Variants in MCF2 observed in about 807,000 individuals in gnomAD.
MCF2 encodes MCF.2 cell line derived transforming sequence, also known as proto-oncogene DBL.
A neutral mutation model predicts 82.5 loss-of-function variants in MCF2; 44 were observed. The ratio of observed to expected loss-of-function variants is 0.53; its 90% CI spans 0.42 to 0.69. MCF2 has a LOEUF of 0.69. Ranked by LOEUF, MCF2 falls within the 30% of genes least tolerant of loss-of-function variation. The pLI, the probability that MCF2 is intolerant of heterozygous loss-of-function variation, is 0.00. For synonymous variants in MCF2, 217 were observed against 224.9 expected (o/e 0.96, Z 0.32); for missense variants, 623 against 663.1 (o/e 0.94, Z 0.66).
At chrX:139,605,411 T>C (rs1013837940) in intron 13 of MCF2, among the ~76,000 whole-genome samples, 2 of 111,602 alleles carry the variant, frequency 1.8e-5, no homozygotes, top group Non-Finnish European at 3.8e-5. Flanking sequence ...CATTCTCAGT[T>C]TTTTACATCA....
At chrX:139,629,842 A>G in exon 4 of MCF2, 1 of 1,204,513 alleles carries the variant, frequency 8.3e-7, no homozygotes, top group Non-Finnish European at 1.1e-6. Flanking sequence ...AATTTTCTAT[A>G]GCCTGCAAAG....
intron 8 of MCF2, 69 bp downstream of exon 11, chrX:139,617,438 GGTGCTT>G (rs1432492386): frequency 1.3e-6 from 1 of 791,674 alleles, no homozygotes; most frequent in Non-Finnish European, 1.8e-6. Flanking sequence ...AGGAGGGCAA[GGTGCTT>G]CAGGCTAGCA....
At chrX:139,636,139 T>G (rs1253304534) in intron 1 of MCF2, among the ~76,000 whole-genome samples, 1 of 111,385 alleles carries the variant, frequency 9.0e-6, no homozygotes, top group Non-Finnish European at 1.9e-5. Context: ...GGTAGAAAAC[T>G]TTAGGGATAT....
At chrX:139,703,572 C>T (rs1935538602) in intron 1 of MCF2, among the ~76,000 whole-genome samples, 1 of 111,035 alleles carries the variant, frequency 9.0e-6, no homozygotes, top group African/African-American at 3.3e-5. Flanking sequence ...CCCATCTCTA[C>T]AAAAATACAA....
intron 1 of MCF2, among the ~76,000 whole-genome samples, chrX:139,700,340 C>G (rs139568296): frequency 6.2e-4 from 69 of 111,937 alleles, no homozygotes; most frequent in Non-Finnish European, 1.2e-3. Flanking sequence ...AATCTTCATT[C>G]TCAATCATCC....
chrX:139,604,655 T>C lies in MCF2; in HGVS notation c.1743+26A>G, dbSNP rs1023139060. On this transcript the variant is annotated intron_variant, in intron 15 of 24. Coordinates refer to ENST00000370576, the Ensembl canonical transcript of MCF2. Reference sequence around the variant, plus strand: ...GCTATTTTGGTGGTGCATATTTATATATATTTAAAAAATAATTTAACTAAC... The same window carrying C: ...GCTATTTTGGTGGTGCATATTTATACATATTTAAAAAATAATTTAACTAAC... The C allele has an allele frequency of 1.7e-5, 17 of 1,008,257 alleles. No homozygotes were observed. The African/African-American group carries it at 3.3e-4, about 20-fold the overall frequency. 83.1% of individuals were successfully genotyped at this position (1,008,257 alleles called of 1,213,427 possible).
upstream of MCF2, chrX:139,646,758 G>T: frequency 1.3e-6 from 1 of 795,690 alleles, no homozygotes; most frequent in Non-Finnish European, 1.8e-6. Flanking sequence ...GATATAAAGC[G>T]AATTGAAAAA....
intron 1 of MCF2, among the ~76,000 whole-genome samples, chrX:139,695,032 CTT>C (rs200562872): frequency 6.3e-5 from 6 of 94,821 alleles, no homozygotes; most frequent in Admixed American, 1.2e-4. Context: ...TGTATTCTTT[CTT>C]TTTTTTTTTT....
At chrX:139,605,843 AG>A in intron 12 of MCF2, 64 bp from the exon 17 acceptor site, 1 of 861,134 alleles carries the variant, frequency 1.2e-6, no homozygotes, top group Non-Finnish European at 1.7e-6. Flanking sequence ...CAATGTTTCA[AG>A]TATTATCATC....
At chrX:139,589,064 A>T (rs1028080492) in intron 20 of MCF2, among the ~76,000 whole-genome samples, 6 of 111,722 alleles carry the variant, frequency 5.4e-5, no homozygotes, top group African/African-American at 2.0e-4. Context: ...TTGATGTTTA[A>T]TTTTAGTAAA....
chrX:139,616,518 A>G (rs766516175), intron 8 of MCF2, 45 bp from the exon 12 acceptor site: 33 of 818,254 alleles, frequency 4.0e-5, no homozygotes, highest in Non-Finnish European at 5.5e-5. Flanking sequence ...TGAATTAATA[A>G]AGAGAAAACA....
At chrX:139,592,860 T>A (rs1282669215) in intron 19 of MCF2, among the ~76,000 whole-genome samples, 3 of 111,866 alleles carry the variant, frequency 2.7e-5, no homozygotes, top group Admixed American at 9.5e-5. Context: ...GGGCTGCTGA[T>A]CCTATGGGAA....
chrX:139,648,366 C>T (rs950597287), intron 2 of MCF2, among the ~76,000 whole-genome samples: 4 of 109,343 alleles, frequency 3.7e-5, no homozygotes, highest in East Asian at 5.7e-4. Context: ...AGCAAGACCC[C>T]GTCTCTCCAC....
chrX:139,680,536 A>G (rs1934975062), intron 1 of MCF2, among the ~76,000 whole-genome samples: 1 of 112,182 alleles, frequency 8.9e-6, no homozygotes, highest in Non-Finnish European at 1.9e-5. Context: ...TTTGAACATG[A>G]GCTTAAAGAA....
rs768175880 is a variant in MCF2, at chrX:139,607,840, C to T, written c.1402-61G>A. Reference sequence around the variant, plus strand: ...CTGTAGGTATAATTTTTCTTCAAGGCGATCCAGCTCAAATTAAGTTTATTC... The same window carrying T: ...CTGTAGGTATAATTTTTCTTCAAGGTGATCCAGCTCAAATTAAGTTTATTC... On this transcript the variant is annotated intron_variant, in intron 11 of 24. Transcript: ENST00000370576. The T allele has an allele frequency of 1.8e-5, 13 of 718,600 alleles. No homozygotes were observed. In the South Asian group the frequency reaches 3.2e-4, roughly 18 times the overall value. 59.2% of individuals were successfully genotyped at this position (718,600 alleles called of 1,213,427 possible). A position where few individuals can be genotyped will look rare whatever the true frequency, so the allele number is the denominator to read the frequency against.
chrX:139,702,284 T>A (rs1164920407), intron 1 of MCF2: 1 of 112,313 alleles, frequency 8.9e-6, no homozygotes, highest in Non-Finnish European at 1.9e-5. Context: ...TTTTTTCCCT[T>A]CATGTCAGAC....
chrX:139,691,735 G>C (rs1452982555), intron 1 of MCF2, among the ~76,000 whole-genome samples: 1 of 98,207 alleles, frequency 1.0e-5, no homozygotes, highest in Non-Finnish European at 2.1e-5. Flanking sequence ...GTGTGTGTGC[G>C]CGGCGGGCGG....
chrX:139,636,870 C>G (rs1432928227), intron 1 of MCF2, among the ~76,000 whole-genome samples: 2 of 111,626 alleles, frequency 1.8e-5, no homozygotes, highest in Non-Finnish European at 3.8e-5. Context: ...TGGATTATCC[C>G]AAACATTGAC....
intron 1 of MCF2, among the ~76,000 whole-genome samples, chrX:139,661,677 G>A (rs895794310): frequency 9.0e-6 from 1 of 111,188 alleles, no homozygotes; most frequent in African/African-American, 3.3e-5. Context: ...AAATCTGGAG[G>A]TATCTTAGAT....
Sources: allele counts gnomAD v4.1 joint callset (sites outside exome capture counted in the v4.1 genomes callset), GRCh38; gene constraint gnomAD v4.1.1; transcripts MANE v1.5; gene names NCBI Gene and HGNC (gene_info 2026-07-23, HGNC 2026-07-21).